Variants in SCML4 observed in about 807,000 individuals in gnomAD.
SCML4 encodes Scm polycomb group protein like 4.
A neutral mutation model predicts 41.1 loss-of-function variants in SCML4; 34 were observed. The observed-to-expected ratio is 0.83, with a 90% confidence interval of 0.63 to 1.10. The LOEUF is 1.10. Ranked by LOEUF, SCML4 falls within the 50% of genes least tolerant of loss-of-function variation. The pLI is 0.00. For synonymous variants in SCML4, 214 were observed against 220.9 expected (o/e 0.97, Z 0.28); for missense variants, 522 against 534.1 (o/e 0.98, Z 0.22).
chr6:107,777,280 G>A (rs1781032656), intron 1 of SCML4, among the ~76,000 whole-genome samples: 1 of 152,106 alleles, frequency 6.6e-6, no homozygotes, highest in South Asian at 2.1e-4. Flanking sequence ...ATCACGCCTG[G>A]CTAATTTTTG....
chr6:107,732,110 C>A (rs903145170), intron 5 of SCML4: 1 of 152,262 alleles, frequency 6.6e-6, no homozygotes, highest in Admixed American at 6.5e-5. Context: ...TCCTGGTGAC[C>A]AAAACCTGAA....
intron 1 of SCML4, among the ~76,000 whole-genome samples, chr6:107,773,794 G>C (rs71556480): frequency 6.6e-6 from 1 of 152,100 alleles, no homozygotes; most frequent in Non-Finnish European, 1.5e-5. Flanking sequence ...CATTTTTAAG[G>C]ATTAGTGGTA....
chr6:107,808,826 T>C (rs1783941003), intron 1 of SCML4, among the ~76,000 whole-genome samples: 1 of 152,224 alleles, frequency 6.6e-6, no homozygotes, highest in Non-Finnish European at 1.5e-5. Flanking sequence ...AATATTTTAA[T>C]AATTAAGTAA....
chr6:107,751,572 A>ATCTTCCTTTCTTTCTTTCTT (rs1397888384), intron 2 of SCML4, among the ~76,000 whole-genome samples: 3 of 87,670 alleles, frequency 3.4e-5, no homozygotes, highest in African/African-American at 8.9e-5. Flanking sequence ...CATTTTAACA[A>ATCTTCCTTTCTTTCTTTCTT]TCTTTCTTTC....
chr6:107,840,698 A>T, the SCML4 span, among the ~76,000 whole-genome samples: 1 of 152,184 alleles, frequency 6.6e-6, no homozygotes, highest in East Asian at 1.9e-4. Flanking sequence ...GAATGTCAGA[A>T]ATGTGATGAG....
intron 1 of SCML4, among the ~76,000 whole-genome samples, chr6:107,812,478 A>C (rs1481779071): frequency 1.3e-5 from 2 of 152,202 alleles, no homozygotes; most frequent in African/African-American, 4.8e-5. Context: ...GTGGGTGCCC[A>C]GTTATTTGGT....
At chr6:107,815,630 GGCA>G (rs1417808449) in intron 1 of SCML4, among the ~76,000 whole-genome samples, 6 of 152,184 alleles carry the variant, frequency 3.9e-5, no homozygotes, top group African/African-American at 1.4e-4. Context: ...AGCTTCTTGG[GGCA>G]GGTGTCAGCC....
At chr6:107,715,887 G>T (rs975200777) in intron 6 of SCML4, among the ~76,000 whole-genome samples, 67 of 147,252 alleles carry the variant, frequency 4.6e-4, no homozygotes, top group African/African-American at 1.6e-3. Context: ...CTCTTCCATG[G>T]TTTATGACTT....
upstream of SCML4, among the ~76,000 whole-genome samples, chr6:107,824,487 T>C (rs1212024939): frequency 7.0e-6 from 1 of 142,524 alleles, no homozygotes; most frequent in Non-Finnish European, 1.5e-5. Context: ...TGTGTGTGTG[T>C]GTGTGTGTGT....
chr6:107,715,411 T>C (rs1232188834), intron 6 of SCML4, among the ~76,000 whole-genome samples: 1 of 150,772 alleles, frequency 6.6e-6, no homozygotes, highest in Admixed American at 6.6e-5. Flanking sequence ...CCCTATCAAA[T>C]AAAAATCCAA....
intron 1 of SCML4, among the ~76,000 whole-genome samples, chr6:107,780,960 G>GT (rs1781441994): frequency 1.4e-5 from 2 of 139,930 alleles, no homozygotes; most frequent in Non-Finnish European, 3.1e-5. Context: ...GATAAGCAAT[G>GT]GTTTTTTTTT....
chr6:107,719,026 C>G (rs558965387), intron 6 of SCML4: 1 of 152,296 alleles, frequency 6.6e-6, no homozygotes, highest in Non-Finnish European at 1.5e-5. Context: ...GGGGACAAAC[C>G]TATGAAATCA....
chr6:107,803,509 A>G (rs1170395137), intron 1 of SCML4, among the ~76,000 whole-genome samples: 2 of 148,440 alleles, frequency 1.3e-5, no homozygotes, highest in Non-Finnish European at 1.5e-5. Flanking sequence ...CTGGGAAGTG[A>G]GGAGCCCCTC....
At chr6:107,744,715 C>T (rs1777904012) in intron 5 of SCML4, among the ~76,000 whole-genome samples, 1 of 152,210 alleles carries the variant, frequency 6.6e-6, no homozygotes, top group Admixed American at 6.5e-5. Flanking sequence ...GTTATAATGT[C>T]AGCTCTTAAT....
chr6:107,810,194 G>C (rs959844312), intron 1 of SCML4, among the ~76,000 whole-genome samples: 1 of 152,110 alleles, frequency 6.6e-6, no homozygotes, highest in Admixed American at 6.6e-5. Context: ...CAACTCCAAG[G>C]GTGCCCAGGC....
the SCML4 span, among the ~76,000 whole-genome samples, chr6:107,839,389 GAAAGAAAGAAAGAA>G: frequency 7.1e-6 from 1 of 140,816 alleles, no homozygotes; most frequent in Non-Finnish European, 1.5e-5. Context: ...AAGAAAGAAA[GAAAGAAAGAAAGAA>G]AGAAAGAGGA....
chr6:107,814,117 G>A (rs1266822540), intron 1 of SCML4, among the ~76,000 whole-genome samples: 1 of 152,236 alleles, frequency 6.6e-6, no homozygotes, highest in African/African-American at 2.4e-5. Flanking sequence ...ACACATGCCA[G>A]TCAAGGAGAG....
intron 5 of SCML4, among the ~76,000 whole-genome samples, chr6:107,741,964 T>C (rs1253572669): frequency 6.6e-6 from 1 of 152,164 alleles, no homozygotes; most frequent in Non-Finnish European, 1.5e-5. Context: ...CCTAATAAGA[T>C]GGTAACACGT....
chr6:107,786,245 T>C (rs759641105), intron 1 of SCML4, among the ~76,000 whole-genome samples: 56 of 152,132 alleles, frequency 3.7e-4, no homozygotes, highest in Non-Finnish European at 6.0e-4. Context: ...TTGTCTAAGG[T>C]TGGAGTCAAA....
Sources: gnomAD v4.1 joint callset for allele counts (sites outside exome capture counted in the v4.1 genomes callset) on GRCh38, gnomAD v4.1.1 for gene constraint, MANE v1.5 for transcripts, NCBI Gene and HGNC (gene_info 2026-07-23, HGNC 2026-07-21) for gene names.